TNPO2: variants seen among roughly 807,000 people sequenced by gnomAD.
TNPO2 encodes the protein transportin 2, also known as transportin-2.
Under a neutral mutation model 111.1 loss-of-function variants are expected in TNPO2, and 16 were observed. The observed-to-expected ratio is 0.14, with a 90% CI of 0.10 to 0.22. The LOEUF (loss-of-function observed/expected upper bound fraction) is 0.22, where lower values mean the gene tolerates loss of function less well. Ranked by LOEUF, TNPO2 falls within the 10% of genes least tolerant of loss-of-function variation. TNPO2 has a pLI of 1.00. For synonymous variants in TNPO2, 481 were observed against 475.8 expected, an observed-to-expected ratio of 1.01 and a Z score of -0.14; for missense variants, 530 against 1,173.7, an observed-to-expected ratio of 0.45 and a Z score of 8.01.
Position 12,705,854 on chromosome 19 carries a change from G to C in TNPO2, c.1669-86C>G. The C allele has an allele frequency of 9.9e-7, 1 of 1,009,596 alleles. No individual in the cohort carries two copies. 62.5% of individuals were successfully genotyped at this position (1,009,596 alleles called of 1,614,324 possible). A position where few individuals can be genotyped will look rare whatever the true frequency, so the allele number is the denominator to read the frequency against. On this transcript the variant is annotated intron_variant, in intron 15 of 25. Coordinates refer to ENST00000425528, the MANE Select transcript of TNPO2 (RefSeq NM_001382241.1). The surrounding 1 kb of genome is among the most constrained non-coding windows in gnomAD (Gnocchi z 7.2). ...ACCTGTTGCCCGAGTGATGAGGCCTGAGCGCCTCACCGTGGCTCATGGGAC... is the reference window on the plus strand; with the variant it reads ...ACCTGTTGCCCGAGTGATGAGGCCTCAGCGCCTCACCGTGGCTCATGGGAC...
intron 10 of TNPO2, among the ~76,000 whole-genome samples, chr19:12,712,250 G>A (rs1424935320): frequency 6.6e-6 from 1 of 152,196 alleles, no homozygotes; most frequent in African/African-American, 2.4e-5. Context: ...CTGGGAAGAC[G>A]CCCGTTACCA....
At position 12,702,916 on chromosome 19, in the gene TNPO2, C is replaced by T. The variant is rs2025404861; in HGVS notation, c.2212G>A (p.Ala738Thr). 3 of 1,613,700 alleles carry T rather than the reference C, an allele frequency of 1.9e-6. No homozygotes were observed. The highest frequency in any genetic ancestry group is 2.5e-6 in the Non-Finnish European group (3 of 1,179,672). Residue 738 changes from alanine (A) to threonine (T), a missense_variant and splice_region_variant, in exon 21 of 26, where the codon GCA becomes ACA. By Grantham distance (58) the Ala-to-Thr change is moderately conservative. This residue lies in a region of TNPO2 where 183 missense variants were observed against 481.0 expected (regional missense o/e 0.38). Transcript: ENST00000425528. The surrounding 1 kb of genome is among the most constrained non-coding windows in gnomAD (Gnocchi z 5.5). The part of the protein sequence containing the change: ...AIGEICMQMG[A>T]EMQPYVQMVL... ...ATCTGCACATAAGGCTGCATCTCTGCCCCTGGGGGAGCACCCAGTCAGAGC... is the reference window on the plus strand; with the variant it reads ...ATCTGCACATAAGGCTGCATCTCTGTCCCTGGGGGAGCACCCAGTCAGAGC...
rs117027253 is a variant in TNPO2 at position 12,702,646 on chromosome 19, C to T, written c.2305+177G>A. 8.9e-4 allele frequency among the ~76,000 whole-genome samples: 136 copies of T among 152,306 alleles called. No individual in the cohort carries two copies. Among genetic ancestry groups the T allele is most frequent in the South Asian group, 2.1e-3 (10 of 4,828 alleles). On this transcript the variant is annotated intron_variant, in intron 21 of 25. Transcript: ENST00000425528. The surrounding 1 kb of genome is among the most constrained non-coding windows in gnomAD (Gnocchi z 5.5). ...GTGCTGAGATTACAGGCATGAGCCA[C>T]TGCACCCAGCCTGAGGCTGCATCTT...
rs763579986 is a variant in TNPO2, at chr19:12,701,854, G to A, written c.2412-3C>T. 3 of 1,612,040 alleles carry A rather than the reference G, an allele frequency of 1.9e-6. No homozygotes were observed. The highest frequency in any genetic ancestry group is 3.3e-5 in the Admixed American group (2 of 60,018). On this transcript the variant is annotated splice_polypyrimidine_tract_variant and splice_region_variant and intron_variant, in intron 22 of 25. Transcript: ENST00000425528. The surrounding 1 kb of genome is among the most constrained non-coding windows in gnomAD (Gnocchi z 5.0). The stretch of plus-strand genomic sequence containing the variant: ...TGATGTTCCTGAGGGACGTGCACCT[G>A]TGGGAAGGTGAGCAGCTGGAGGTCA...
At chr19:12,704,577 G>T (rs746608627) in intron 18 of TNPO2, among the ~76,000 whole-genome samples, 1 of 152,194 alleles carries the variant, frequency 6.6e-6, no homozygotes, top group African/African-American at 2.4e-5. Flanking sequence ...TTTCCTCTGA[G>T]TATTTTCAAT....
rs573209662 is a variant in TNPO2, at chr19:12,699,242, G to A, written c.*2022C>T. The A allele has an allele frequency of 6.8e-6, 3 of 443,404 alleles. No homozygotes were observed. The highest frequency in any genetic ancestry group is 4.9e-5 in the Admixed American group (2 of 40,748). 27.5% of individuals were successfully genotyped at this position (443,404 alleles called of 1,614,324 possible). On this transcript the variant is annotated 3_prime_UTR_variant, in exon 26 of 26. Coordinates refer to ENST00000425528, the MANE Select transcript of TNPO2 (RefSeq NM_001382241.1). ...CTTTACTCAACAAAGTTCTACACAA[G>A]TGGAATCTCACGCCACCTCGGCGCC...
At chr19:12,703,052 G>T (rs1332825597) in intron 20 of TNPO2, 134 bp from the exon 21 acceptor site, 2 of 765,080 alleles carry the variant, frequency 2.6e-6, no homozygotes, top group Non-Finnish European at 4.3e-6. Context: ...GGAAACAAAA[G>T]ACCTTCTCCG....
chr19:12,716,527 G>A (rs1186298123), intron 5 of TNPO2, among the ~76,000 whole-genome samples: 4 of 152,170 alleles, frequency 2.6e-5, no homozygotes, highest in African/African-American at 2.4e-5. Flanking sequence ...TTGGGAGGCC[G>A]AGGCAGGAGA....
At position 12,721,017 on chromosome 19, in the gene TNPO2, G is replaced by A; in HGVS notation, c.-13-27C>T. ...TGCGGAGGTAGGGGCCGGGGTCAGC[G>A]CTGGGTCTCTGGGGCTCCGTGTGAG... On this transcript the variant is annotated intron_variant, in intron 2 of 25. Coordinates refer to ENST00000425528, the MANE Select transcript of TNPO2 (RefSeq NM_001382241.1). The surrounding 1 kb of genome is among the most constrained non-coding windows in gnomAD (Gnocchi z 4.9). 3.2e-6 allele frequency: 5 copies of A among 1,543,620 alleles called. No individual in the cohort carries two copies. The highest frequency in any genetic ancestry group is 1.4e-5 in the African/African-American group (1 of 73,374).
rs1344291033 is a variant in TNPO2, at chr19:12,723,898, A to G, written c.-260T>C. The stretch of plus-strand genomic sequence containing the variant: ...ATCGCGGAAGACACCCTAAAGGAGC[A>G]GTTGGGATTCCGAGGTAGCCAGTTC... On this transcript the variant is annotated 5_prime_UTR_variant, in exon 1 of 26. Transcript: ENST00000425528. 6.6e-6 allele frequency: 1 copy of G among 152,230 alleles called. No homozygotes were observed. The highest frequency in any genetic ancestry group is 1.5e-5 in the Non-Finnish European group (1 of 68,052). 9.4% of individuals were successfully genotyped at this position (152,230 alleles called of 1,614,324 possible).
At position 12,711,623 on chromosome 19, in the gene TNPO2, G is replaced by C; in HGVS notation, c.891-10C>G. The C allele has an allele frequency of 6.2e-7, 1 of 1,612,760 alleles. No individual in the cohort carries two copies. Among genetic ancestry groups the C allele is most frequent in the Non-Finnish European group, 8.5e-7 (1 of 1,179,350 alleles). On this transcript the variant is annotated splice_polypyrimidine_tract_variant and intron_variant, in intron 10 of 25. Transcript: ENST00000425528. ...CAAGATGGGGATCAACCTGCACAGA[G>C]AGGGACTGTTTATGGGGATGCAGGG... is the stretch of plus-strand genomic sequence containing the variant.
chr19:12,709,284 C>A (rs1268813348), intron 13 of TNPO2, among the ~76,000 whole-genome samples: 2 of 151,618 alleles, frequency 1.3e-5, no homozygotes, highest in Admixed American at 6.6e-5. Context: ...ATCACTTGAA[C>A]CTGGAAGGCG....
chr19:12,721,011 G>A lies in TNPO2; in HGVS notation c.-13-21C>T, dbSNP rs984510418. ...GCAAGCTGCGGAGGTAGGGGCCGGG[G>A]TCAGCGCTGGGTCTCTGGGGCTCCG... On this transcript the variant is annotated intron_variant, in intron 2 of 25. Transcript: ENST00000425528. This position sits in a 1 kb window ranked among gnomAD's most constrained non-coding sequence, Gnocchi z 4.9. 7 of 1,546,136 alleles carry A rather than the reference G, an allele frequency of 4.5e-6. No homozygotes were observed. The African/African-American group carries it at 9.5e-5, about 21-fold the overall frequency.
chr19:12,703,598 C>G lies in TNPO2; in HGVS notation c.2111-72G>C. 4 of 1,568,672 alleles carry G rather than the reference C, an allele frequency of 2.5e-6. No homozygotes were observed. The South Asian group carries it at 4.5e-5, about 17-fold the overall frequency. ...AAGCTGCAGGACCTAGTCCAGCAGG[C>G]CCCATCAGACAGTACGAATACATCC... On this transcript the variant is annotated intron_variant, in intron 19 of 25. Coordinates refer to ENST00000425528, the MANE Select transcript of TNPO2 (RefSeq NM_001382241.1).
chr19:12,701,464 G>T lies in TNPO2; in HGVS notation c.2587-11C>A. The T allele has an allele frequency of 6.2e-7, 1 of 1,612,660 alleles. No homozygotes were observed. Among genetic ancestry groups the T allele is most frequent in the African/African-American group, 1.3e-5 (1 of 74,974 alleles). ...GAAGCCGTGGAGAATCTGTGGGGAGGGTGGTGGTGAGGGGTAGGCAGGGGC... is the reference window on the plus strand; with the variant it reads ...GAAGCCGTGGAGAATCTGTGGGGAGTGTGGTGGTGAGGGGTAGGCAGGGGC... On this transcript the variant is annotated splice_polypyrimidine_tract_variant and intron_variant, in intron 24 of 25. Coordinates refer to ENST00000425528, the MANE Select transcript of TNPO2 (RefSeq NM_001382241.1). This position sits in a 1 kb window ranked among gnomAD's most constrained non-coding sequence, Gnocchi z 5.0.
At chr19:12,712,270 T>TG (rs1441355620) in intron 10 of TNPO2, among the ~76,000 whole-genome samples, 1 of 152,222 alleles carries the variant, frequency 6.6e-6, no homozygotes, top group Non-Finnish European at 1.5e-5. Flanking sequence ...AGGCGGATCA[T>TG]GGTCCAGCGG....
Position 12,710,737 on chromosome 19 carries a change from T to C in TNPO2, c.1154A>G (p.Asn385Ser). 1.2e-6 allele frequency: 2 copies of C among 1,613,262 alleles called. No individual in the cohort carries two copies. Among genetic ancestry groups the C allele is most frequent in the Non-Finnish European group, 1.7e-6 (2 of 1,179,616 alleles). The change falls in exon 13 of 26, where the codon AAT (asparagine) becomes AGT (serine). Residue 385 changes from asparagine to serine, a missense_variant. Coordinates refer to ENST00000425528, the MANE Select transcript of TNPO2 (RefSeq NM_001382241.1). ...GGGCAGCAGTTCCTCCCGGAAGACA[T>C]TGGCGAGGACGTCCAGTGCAGCCGC... ...CSAAALDVLANVFREELLPHL... is the reference protein window; with the variant it reads ...CSAAALDVLASVFREELLPHL...
At position 12,702,203 on chromosome 19, in the gene TNPO2, G is replaced by A. The variant is rs764389543; in HGVS notation, c.2306-26C>T. ...CTGCAACCCCGAGCGGCCCCGGGAC[G>A]GTACGTGGCGGGGCCTCTGGCACAA... On this transcript the variant is annotated intron_variant, in intron 21 of 25. Transcript: ENST00000425528. This position sits in a 1 kb window ranked among gnomAD's most constrained non-coding sequence, Gnocchi z 5.5. 1.3e-5 allele frequency: 21 copies of A among 1,594,172 alleles called. No homozygotes were observed. Among genetic ancestry groups the A allele is most frequent in the Admixed American group, 3.5e-5 (2 of 57,708 alleles).
At chr19:12,707,678 G>A (rs1055064625) in intron 13 of TNPO2, among the ~76,000 whole-genome samples, 2 of 150,808 alleles carry the variant, frequency 1.3e-5, no homozygotes, top group Non-Finnish European at 3.0e-5. Context: ...TAGTAGAGAC[G>A]GGGTTTTACC....
Sources: allele counts gnomAD v4.1 joint callset (sites outside exome capture counted in the v4.1 genomes callset), GRCh38; gene constraint gnomAD v4.1.1; regional missense constraint gnomAD v4.1.1; non-coding constraint Gnocchi (gnomAD v3.1); transcripts MANE v1.5; gene names NCBI Gene and HGNC (gene_info 2026-07-23, HGNC 2026-07-21).